Variants in NXPH1 observed in about 807,000 individuals in gnomAD.
NXPH1 encodes the protein neurexophilin 1, also known as neurexophilin-1.
Under a neutral mutation model 23.7 loss-of-function variants are expected in NXPH1, and 5 were observed. The observed-to-expected ratio is 0.21, with a 90% CI of 0.11 to 0.44. The LOEUF is 0.44. Ranked by LOEUF, NXPH1 falls within the 20% of genes least tolerant of loss-of-function variation. The pLI, the probability that NXPH1 is intolerant of heterozygous loss-of-function variation, is 0.99. For missense variants in NXPH1, 324 were observed against 321.6 expected, an observed-to-expected ratio of 1.01 and a Z score of -0.06; for synonymous variants, 144 against 122.2, an observed-to-expected ratio of 1.18 and a Z score of -1.18.
intron 2 of NXPH1, among the ~76,000 whole-genome samples, chr7:8,594,327 A>G (rs991974802): frequency 5.9e-5 from 9 of 152,090 alleles, no homozygotes; most frequent in South Asian, 2.1e-4. Context: ...GAAGTTTCAC[A>G]TATTTCAGAC....
intron 2 of NXPH1, among the ~76,000 whole-genome samples, chr7:8,700,950 T>G (rs566678671): frequency 6.6e-6 from 1 of 152,264 alleles, no homozygotes; most frequent in Admixed American, 6.5e-5. Flanking sequence ...TTTCATGATA[T>G]GTGAAATTTA....
At chr7:8,493,635 A>G (rs553318016) in intron 2 of NXPH1, among the ~76,000 whole-genome samples, 18 of 152,226 alleles carry the variant, frequency 1.2e-4, no homozygotes, top group Non-Finnish European at 2.4e-4. Context: ...TTACGGGATT[A>G]GAAGAAAATT....
At chr7:8,649,582 G>C (rs1820457782) in intron 2 of NXPH1, among the ~76,000 whole-genome samples, 1 of 152,098 alleles carries the variant, frequency 6.6e-6, no homozygotes, top group African/African-American at 2.4e-5. Context: ...CAGCCCTTTG[G>C]AGACGCGTTC....
intron 2 of NXPH1, among the ~76,000 whole-genome samples, chr7:8,450,891 A>G (rs1462683566): frequency 6.6e-6 from 1 of 152,196 alleles, no homozygotes; most frequent in Admixed American, 6.5e-5. Flanking sequence ...GCATTTTATG[A>G]CCCAATATTT....
chr7:8,739,990 G>A (rs1780333564), intron 2 of NXPH1, among the ~76,000 whole-genome samples: 1 of 152,176 alleles, frequency 6.6e-6, no homozygotes, highest in South Asian at 2.1e-4. Flanking sequence ...TCAGTAGGCA[G>A]TGTGTGACTG....
At chr7:8,547,926 C>T (rs890837632) in intron 2 of NXPH1, among the ~76,000 whole-genome samples, 6 of 151,368 alleles carry the variant, frequency 4.0e-5, no homozygotes, top group South Asian at 2.1e-4. Context: ...ACTTTGCTAT[C>T]GCGAATAGTG....
At chr7:8,690,982 C>T (rs117946754) in intron 2 of NXPH1, among the ~76,000 whole-genome samples, 322 of 152,218 alleles carry the variant, frequency 2.1e-3, no homozygotes, top group African/African-American at 6.9e-3. Context: ...TACTCCTTTC[C>T]TCTGAAGACT....
intron 2 of NXPH1, among the ~76,000 whole-genome samples, chr7:8,715,493 A>G (rs1435924416): frequency 1.3e-5 from 2 of 152,174 alleles, no homozygotes; most frequent in East Asian, 3.9e-4. Flanking sequence ...GGAGGCTTCT[A>G]TTCGGCCATC....
intron 2 of NXPH1, among the ~76,000 whole-genome samples, chr7:8,469,831 A>G (rs1342755904): frequency 6.6e-6 from 1 of 152,120 alleles, no homozygotes; most frequent in Non-Finnish European, 1.5e-5. Flanking sequence ...CCATGCAACA[A>G]TGTTTGTGAA....
At chr7:8,608,709 C>T (rs757812318) in intron 2 of NXPH1, among the ~76,000 whole-genome samples, 1 of 151,798 alleles carries the variant, frequency 6.6e-6, no homozygotes, top group African/African-American at 2.4e-5. Context: ...CAGAAACTAC[C>T]CCACCAAAAT....
chr7:8,516,050 T>C (rs916422771), intron 2 of NXPH1, among the ~76,000 whole-genome samples: 1 of 152,160 alleles, frequency 6.6e-6, no homozygotes, highest in Non-Finnish European at 1.5e-5. Flanking sequence ...TTTGATTGTT[T>C]ACTCATCTGT....
chr7:8,489,303 T>G (rs1817210912), intron 2 of NXPH1, among the ~76,000 whole-genome samples: 1 of 151,956 alleles, frequency 6.6e-6, no homozygotes, highest in South Asian at 2.1e-4. Context: ...TTCTAGGGAG[T>G]CTGAATTTTC....
At chr7:8,436,631 A>G (rs980749435) in intron 2 of NXPH1, among the ~76,000 whole-genome samples, 3 of 151,946 alleles carry the variant, frequency 2.0e-5, no homozygotes, top group Non-Finnish European at 4.4e-5. Flanking sequence ...CTGGGGTGGG[A>G]ATGGGGGAAT....
chr7:8,590,878 G>A (rs1819079197), intron 2 of NXPH1, among the ~76,000 whole-genome samples: 2 of 151,986 alleles, frequency 1.3e-5, no homozygotes, highest in African/African-American at 2.4e-5. Context: ...TTTCTCACTC[G>A]TTGAACTGTT....
intron 2 of NXPH1, among the ~76,000 whole-genome samples, chr7:8,743,138 T>G (rs1780394896): frequency 6.6e-6 from 1 of 152,218 alleles, no homozygotes; most frequent in African/African-American, 2.4e-5. Flanking sequence ...AATGTTTGTT[T>G]GTTGGTTACT....
At chr7:8,477,609 G>A (rs566235512) in intron 2 of NXPH1, among the ~76,000 whole-genome samples, 4 of 151,924 alleles carry the variant, frequency 2.6e-5, no homozygotes, top group South Asian at 2.1e-4. Context: ...GCCTCTTAAC[G>A]TAATTCTAGA....
intron 2 of NXPH1, among the ~76,000 whole-genome samples, chr7:8,580,280 C>T (rs1348039890): frequency 1.3e-5 from 2 of 152,196 alleles, no homozygotes; most frequent in Non-Finnish European, 2.9e-5. Flanking sequence ...GAGATAGTCA[C>T]AGGCTGCTAT....
intron 2 of NXPH1, among the ~76,000 whole-genome samples, chr7:8,623,660 G>A (rs1376203914): frequency 1.3e-5 from 1 of 74,960 alleles, no homozygotes; most frequent in Admixed American, 1.0e-4. Context: ...ATAATTTTGT[G>A]GTATAGTAAG....
chr7:8,629,667 G>GA (rs145208375), intron 2 of NXPH1, among the ~76,000 whole-genome samples: 3,337 of 152,218 alleles, frequency 0.022, 105 homozygotes, highest in African/African-American at 0.069. Flanking sequence ...GCCACTGGGT[G>GA]AAAAATGCTT....
Sources: allele counts gnomAD v4.1 joint callset (sites outside exome capture counted in the v4.1 genomes callset), GRCh38; gene constraint gnomAD v4.1.1; transcripts MANE v1.5; gene names NCBI Gene and HGNC (gene_info 2026-07-23, HGNC 2026-07-21).